The following TTC27 variants were observed in gnomAD, a reference collection of about 807,000 sequenced individuals.
The protein encoded by TTC27 is tetratricopeptide repeat protein 27.
In TTC27, 79 loss-of-function variants were observed where a neutral mutation model predicts 115.9. The observed-to-expected ratio is 0.68, with a 90% CI of 0.57 to 0.82. The LOEUF (loss-of-function observed/expected upper bound fraction) is 0.82, where lower values mean the gene tolerates loss of function less well. Among genes scored for constraint, TTC27 ranks in the 40% least tolerant of loss-of-function variants. TTC27 has a pLI of 0.00. For missense variants in TTC27, 1,054 were observed against 993.1 expected (o/e 1.06, Z -0.82); for synonymous variants, 401 against 356.0 (o/e 1.13, Z -1.42).
chr2:32,634,083 C>G, intron 3 of TTC27, 78 bp downstream of exon 3: 2 of 1,457,510 alleles, frequency 1.4e-6, no homozygotes, highest in Non-Finnish European at 1.8e-6. Context: ...TAAACTGGAA[C>G]TCATAGTAGG....
chr2:32,782,885 A>T (rs967244448), intron 15 of TTC27, among the ~76,000 whole-genome samples: 1 of 152,212 alleles, frequency 6.6e-6, no homozygotes, highest in Non-Finnish European at 1.5e-5. Context: ...AACATTTCAT[A>T]TGTAATAAAA....
chr2:32,652,416 G>A (rs979826703), intron 5 of TTC27, among the ~76,000 whole-genome samples: 2 of 151,780 alleles, frequency 1.3e-5, no homozygotes, highest in Non-Finnish European at 2.9e-5. Context: ...AAAATAAAAG[G>A]TAGGAACCAT....
intron 4 of TTC27, among the ~76,000 whole-genome samples, chr2:32,648,872 C>T (rs1411538618): frequency 6.6e-6 from 1 of 151,984 alleles, no homozygotes; most frequent in East Asian, 1.9e-4. Flanking sequence ...ATTAGCTGGG[C>T]ATGGTGACAT....
intron 3 of TTC27, among the ~76,000 whole-genome samples, chr2:32,639,039 A>G (rs536098577): frequency 1.3e-4 from 19 of 151,990 alleles, no homozygotes; most frequent in South Asian, 2.1e-4. Flanking sequence ...TCACCGTGTT[A>G]GCCAGGATGG....
intron 12 of TTC27, among the ~76,000 whole-genome samples, chr2:32,756,587 G>A (rs1669239867): frequency 6.6e-6 from 1 of 152,172 alleles, no homozygotes; most frequent in Non-Finnish European, 1.5e-5. Flanking sequence ...TAGAAGTATA[G>A]TCTTCTTTTA....
At chr2:32,758,688 C>G (rs1480217012) in intron 13 of TTC27, among the ~76,000 whole-genome samples, 169 bp downstream of exon 13, 2 of 151,920 alleles carry the variant, frequency 1.3e-5, no homozygotes, top group African/African-American at 2.4e-5. Flanking sequence ...TTGCTTGTTG[C>G]AAAAAGTGGA....
At chr2:32,733,744 G>A (rs1028733878) in intron 10 of TTC27, 84 bp from the exon 11 acceptor site, 15 of 752,368 alleles carry the variant, frequency 2.0e-5, no homozygotes, top group Non-Finnish European at 2.8e-5. Flanking sequence ...GTTTATATGT[G>A]CATTTGTATA....
intron 9 of TTC27, among the ~76,000 whole-genome samples, chr2:32,695,285 A>G (rs1385113403): frequency 6.6e-6 from 1 of 152,040 alleles, no homozygotes; most frequent in Non-Finnish European, 1.5e-5. Flanking sequence ...GAATCATAAA[A>G]TATTTTTTCT....
chr2:32,675,132 G>A (rs1329942884), intron 8 of TTC27, among the ~76,000 whole-genome samples: 1 of 152,114 alleles, frequency 6.6e-6, no homozygotes, highest in Admixed American at 6.5e-5. Flanking sequence ...AACACCAAGC[G>A]TTGTTATTTT....
chr2:32,656,232 A>G (rs1387776614), intron 5 of TTC27, among the ~76,000 whole-genome samples: 1 of 152,162 alleles, frequency 6.6e-6, no homozygotes, highest in Non-Finnish European at 1.5e-5. Context: ...TGTGCTGTGG[A>G]TATCAGTGAA....
chr2:32,800,719 C>T (rs1558350937), intron 16 of TTC27, among the ~76,000 whole-genome samples: 1 of 151,876 alleles, frequency 6.6e-6, no homozygotes, highest in Non-Finnish European at 1.5e-5. Context: ...AGGATGATCT[C>T]AAACTCCTGA....
At chr2:32,709,003 G>A (rs2151904567) in intron 10 of TTC27, among the ~76,000 whole-genome samples, 1 of 152,050 alleles carries the variant, frequency 6.6e-6, no homozygotes, top group East Asian at 1.9e-4. Context: ...CTGCATAGGG[G>A]GGTTGGCATC....
intron 12 of TTC27, among the ~76,000 whole-genome samples, chr2:32,757,344 A>G (rs1669268222): frequency 6.6e-6 from 1 of 152,158 alleles, no homozygotes; most frequent in South Asian, 2.1e-4. Context: ...AGGCCACCTG[A>G]TATCATTAAG....
chr2:32,763,538 C>G (rs1669519028), intron 13 of TTC27, among the ~76,000 whole-genome samples: 1 of 152,124 alleles, frequency 6.6e-6, no homozygotes, highest in African/African-American at 2.4e-5. Context: ...GGGAAAAAGG[C>G]TATTGTCCAT....
intron 19 of TTC27, among the ~76,000 whole-genome samples, chr2:32,819,283 C>A (rs2148054886): frequency 6.6e-6 from 1 of 152,230 alleles, no homozygotes; most frequent in South Asian, 2.1e-4. Flanking sequence ...GAAAATGCGG[C>A]CCCAGAACAT....
intron 11 of TTC27, among the ~76,000 whole-genome samples, chr2:32,735,764 T>G (rs2151916226): frequency 6.6e-6 from 1 of 152,202 alleles, no homozygotes; most frequent in Middle Eastern, 3.4e-3. Context: ...TTATTCCAGC[T>G]CTCACATGCC....
chr2:32,803,731 C>T (rs776738663), intron 16 of TTC27, among the ~76,000 whole-genome samples: 2 of 151,988 alleles, frequency 1.3e-5, no homozygotes, highest in African/African-American at 2.4e-5. Flanking sequence ...AAATGTAGGC[C>T]GGGCACGGTG....
chr2:32,812,366 A>G (rs1387117414), intron 17 of TTC27, 138 bp from the exon 18 acceptor site: 4 of 552,750 alleles, frequency 7.2e-6, no homozygotes, highest in African/African-American at 1.9e-5. Flanking sequence ...TTCTTTGGTG[A>G]GAGTAATAGA....
At chr2:32,717,484 C>A (rs532522355) in intron 10 of TTC27, among the ~76,000 whole-genome samples, 1 of 152,226 alleles carries the variant, frequency 6.6e-6, no homozygotes, top group South Asian at 2.1e-4. Flanking sequence ...CTTTTTTGCT[C>A]TTTGCTGTAG....
Sources: gnomAD v4.1 joint callset for allele counts (sites outside exome capture counted in the v4.1 genomes callset) on GRCh38, gnomAD v4.1.1 for gene constraint, MANE v1.5 for transcripts, NCBI Gene and HGNC (gene_info 2026-07-23, HGNC 2026-07-21) for gene names.